The following NXPE2 variants were observed in gnomAD, a reference collection of about 807,000 sequenced individuals.
NXPE2 encodes neurexophilin and PC-esterase domain family member 2.
In NXPE2, 34 loss-of-function variants were observed where a neutral mutation model predicts 34.4. The observed-to-expected ratio is 0.99, with a 90% CI of 0.75 to 1.31. The LOEUF is 1.31. Ranked by LOEUF, NXPE2 falls within the 40% of genes most tolerant of loss-of-function variation. NXPE2 has a pLI of 0.00. For synonymous variants in NXPE2, 235 were observed against 231.3 expected (o/e 1.02, Z -0.15); for missense variants, 649 against 672.5 (o/e 0.97, Z 0.39).
At chr11:114,609,086 T>A in the NXPE2 span, among the ~76,000 whole-genome samples, 2 of 151,986 alleles carry the variant, frequency 1.3e-5, no homozygotes, top group African/African-American at 4.8e-5. Flanking sequence ...ATCCGGTGGA[T>A]AATAAGTGTT....
chr11:114,617,295 C>T, the NXPE2 span, among the ~76,000 whole-genome samples: 2 of 151,522 alleles, frequency 1.3e-5, no homozygotes, highest in African/African-American at 4.9e-5. Context: ...ACCACCATTA[C>T]CCACCAGATA....
At chr11:114,603,012 T>G in the NXPE2 span, among the ~76,000 whole-genome samples, 2 of 151,202 alleles carry the variant, frequency 1.3e-5, no homozygotes, top group Non-Finnish European at 3.0e-5. Context: ...TCATATATAA[T>G]AATTCTCTCA....
chr11:114,582,800 G>C, the NXPE2 span: 1 of 1,614,184 alleles, frequency 6.2e-7, no homozygotes, highest in Non-Finnish European at 8.5e-7. Context: ...TATCTCGAGG[G>C]TTGAGGATGG....
chr11:114,703,770 G>A (rs75681716), intron 3 of NXPE2, among the ~76,000 whole-genome samples: 2,279 of 152,246 alleles, frequency 0.015, 41 homozygotes, highest in African/African-American at 0.05. Flanking sequence ...GATTGCGTAT[G>A]GAGGGTGAAT....
chr11:114,685,731 T>C (rs1037050062), intron 2 of NXPE2, among the ~76,000 whole-genome samples: 1 of 152,186 alleles, frequency 6.6e-6, no homozygotes, highest in African/African-American at 2.4e-5. Context: ...ATCTTGTCCC[T>C]GCTACTACTA....
the NXPE2 span, among the ~76,000 whole-genome samples, chr11:114,567,932 C>T: frequency 1.3e-5 from 2 of 151,952 alleles, no homozygotes; most frequent in Admixed American, 6.6e-5. Context: ...TTTACTTTTT[C>T]CCTCTGTTGG....
the NXPE2 span, among the ~76,000 whole-genome samples, chr11:114,525,266 C>T: frequency 6.6e-6 from 1 of 151,952 alleles, no homozygotes. Context: ...TAGACCTGCC[C>T]ACTGAGAAAT....
intron 1 of NXPE2, among the ~76,000 whole-genome samples, chr11:114,679,314 G>T (rs545023565): frequency 1.3e-5 from 2 of 149,934 alleles, no homozygotes; most frequent in South Asian, 4.3e-4. Flanking sequence ...GACACGGTGG[G>T]GGTGGGGTGG....
At chr11:114,513,589 C>T in the NXPE2 span, among the ~76,000 whole-genome samples, 2 of 152,064 alleles carry the variant, frequency 1.3e-5, no homozygotes, top group South Asian at 2.1e-4. Context: ...TAAAAATTGG[C>T]CATAATTAAA....
chr11:114,677,391 CACAT>C (rs1355719959), upstream of NXPE2, among the ~76,000 whole-genome samples: 3 of 152,046 alleles, frequency 2.0e-5, no homozygotes, highest in Admixed American at 1.3e-4. Context: ...ACACTGTAAA[CACAT>C]ACATTTTTTA....
At chr11:114,656,154 A>T in the NXPE2 span, among the ~76,000 whole-genome samples, 1 of 152,162 alleles carries the variant, frequency 6.6e-6, no homozygotes, top group African/African-American at 2.4e-5. Context: ...CAGAGAGCCA[A>T]ATCATGAATG....
chr11:114,708,499 TAG>T (rs1268602236), downstream of NXPE2, among the ~76,000 whole-genome samples: 1 of 151,962 alleles, frequency 6.6e-6, no homozygotes, highest in Non-Finnish European at 1.5e-5. Flanking sequence ...CTGTGTTTCT[TAG>T]TTAGAGGAAG....
chr11:114,702,918 C>T (rs1381261496), intron 3 of NXPE2, among the ~76,000 whole-genome samples: 1 of 152,118 alleles, frequency 6.6e-6, no homozygotes, highest in Admixed American at 6.6e-5. Context: ...CTTTCTCTAT[C>T]CCTTTTGAAG....
intron 2 of NXPE2, among the ~76,000 whole-genome samples, chr11:114,695,957 G>A (rs1951244406): frequency 6.6e-6 from 1 of 152,046 alleles, no homozygotes; most frequent in South Asian, 2.1e-4. Context: ...GGCGGAGGTT[G>A]CAGTGAGCCG....
the NXPE2 span, among the ~76,000 whole-genome samples, chr11:114,620,791 TAA>T: frequency 2.6e-5 from 4 of 152,018 alleles, no homozygotes; most frequent in Non-Finnish European, 4.4e-5. Flanking sequence ...TGGTGGATAA[TAA>T]GTGTTGCCTC....
At position 114,706,577 on chromosome 11, in the gene NXPE2, A is replaced by G. The variant is rs1427447104; in HGVS notation, c.1327A>G (p.Asn443Asp). ...REIDQVAGDK[N>D]TAIVITLGQH... is the part of the protein sequence containing the mutation. ...AATTGACCAGGTAGCAGGAGACAAAAACACAGCCATTGTCATTACCCTCGG... is the reference window on the plus strand; with the variant it reads ...AATTGACCAGGTAGCAGGAGACAAAGACACAGCCATTGTCATTACCCTCGG... Residue 443 changes from asparagine (N) to aspartate (D), a missense_variant, in exon 6 of 6, where the codon AAC (asparagine) becomes GAC (aspartate). Coordinates refer to ENST00000389586, the MANE Select transcript of NXPE2 (RefSeq NM_182495.6). The G allele has an allele frequency of 2.6e-6, 4 of 1,551,912 alleles. No homozygotes were observed. The highest frequency in any genetic ancestry group is 3.5e-6 in the Non-Finnish European group (4 of 1,147,016).
the NXPE2 span, among the ~76,000 whole-genome samples, chr11:114,554,674 T>G: frequency 2.3e-4 from 35 of 152,224 alleles, no homozygotes; most frequent in African/African-American, 8.2e-4. Flanking sequence ...ATTTCAAGAT[T>G]CTTTATTAAC....
chr11:114,633,170 T>C, the NXPE2 span, among the ~76,000 whole-genome samples: 1 of 129,228 alleles, frequency 7.7e-6, no homozygotes, highest in Non-Finnish European at 1.5e-5. Context: ...TTATTTTATA[T>C]AATTTATATG....
chr11:114,571,426 G>A, the NXPE2 span: 2 of 1,611,340 alleles, frequency 1.2e-6, no homozygotes, highest in Non-Finnish European at 1.7e-6. Context: ...TCCACAGCAA[G>A]CTGGTGTTGC....
Sources: allele counts gnomAD v4.1 joint callset (sites outside exome capture counted in the v4.1 genomes callset), GRCh38; gene constraint gnomAD v4.1.1; transcripts MANE v1.5; gene names NCBI Gene and HGNC (gene_info 2026-07-23, HGNC 2026-07-21).